ACOXL: variants seen among roughly 807,000 people sequenced by gnomAD.
ACOXL encodes acyl-CoA oxidase like.
ACOXL carries 70 observed loss-of-function variants against 71.9 expected under a neutral mutation model. The observed-to-expected ratio is 0.97, with a 90% confidence interval of 0.80 to 1.19. The LOEUF (loss-of-function observed/expected upper bound fraction) is 1.19. Among genes scored for constraint, ACOXL ranks in the 50% most tolerant of loss-of-function variants. The pLI, the probability that ACOXL is intolerant of heterozygous loss-of-function variation, is 0.00. For synonymous variants in ACOXL, 253 were observed against 281.6 expected (o/e 0.90, Z 1.02); for missense variants, 703 against 736.3 (o/e 0.95, Z 0.52).
intron 16 of ACOXL, among the ~76,000 whole-genome samples, chr2:111,076,746 T>C (rs1457760782): frequency 6.6e-6 from 1 of 152,198 alleles, no homozygotes; most frequent in Non-Finnish European, 1.5e-5. Flanking sequence ...TCTTTCATAG[T>C]TTTAGAGGTC....
Position 111,117,619 on chromosome 2 carries a change from C to T in ACOXL, c.1546C>T (p.Leu516=). 1.3e-6 allele frequency: 2 copies of T among 1,551,764 alleles called. No individual in the cohort carries two copies. The highest frequency in any genetic ancestry group is 1.7e-6 in the Non-Finnish European group (2 of 1,147,004). Residue 516 remains leucine (L), a synonymous_variant, in exon 18 of 18, where the codon CTG becomes TTG. Transcript: ENST00000439055. ...CCCATTGTGTTGTGTTTTGCAGTTGCTGGATTTGTGCGACTCGGTGAAGGA... is the reference window on the plus strand; with the variant it reads ...CCCATTGTGTTGTGTTTTGCAGTTGTTGGATTTGTGCGACTCGGTGAAGGA... ...MASTRIRNQL[L]DLCDSVKDDA... is the part of the protein sequence containing the mutation.
intron 14 of ACOXL, among the ~76,000 whole-genome samples, chr2:111,024,588 G>A (rs2064929574): frequency 6.6e-6 from 1 of 152,156 alleles, no homozygotes; most frequent in Admixed American, 6.5e-5. Flanking sequence ...TAGCCACTAG[G>A]ATTGTGGTAA....
At chr2:111,010,208 G>A (rs1173666717) in intron 14 of ACOXL, among the ~76,000 whole-genome samples, 4 of 152,010 alleles carry the variant, frequency 2.6e-5, no homozygotes, top group Non-Finnish European at 5.9e-5. Flanking sequence ...AAGAGTAGGT[G>A]GAACATATGA....
At chr2:110,923,898 T>C (rs978827187) in intron 11 of ACOXL, among the ~76,000 whole-genome samples, 3 of 151,144 alleles carry the variant, frequency 2.0e-5, no homozygotes, top group African/African-American at 7.3e-5. Flanking sequence ...AACACACCAT[T>C]GTCATCTAGC....
At chr2:110,879,544 G>C (rs1016460134) in intron 10 of ACOXL, among the ~76,000 whole-genome samples, 1 of 152,188 alleles carries the variant, frequency 6.6e-6, no homozygotes, top group African/African-American at 2.4e-5. Context: ...TTCGAAGAAT[G>C]AGATGGGTTG....
At chr2:110,855,509 ACTT>A (rs1693122689) in intron 10 of ACOXL, among the ~76,000 whole-genome samples, 2 of 152,222 alleles carry the variant, frequency 1.3e-5, no homozygotes, top group African/African-American at 4.8e-5. Context: ...TCAAAAAGCA[ACTT>A]TACAGGAGAA....
intron 1 of ACOXL, chr2:110,733,181 C>T (rs1190792371): frequency 6.6e-6 from 1 of 152,464 alleles, no homozygotes; most frequent in Non-Finnish European, 1.5e-5. Flanking sequence ...GGACAGAAAA[C>T]CGCGATGGGA....
At chr2:111,009,026 A>C (rs1310607198) in intron 14 of ACOXL, among the ~76,000 whole-genome samples, 3 of 152,122 alleles carry the variant, frequency 2.0e-5, no homozygotes, top group South Asian at 2.1e-4. Context: ...ATTTTCTCCC[A>C]GTTCGTCACT....
intron 1 of ACOXL, among the ~76,000 whole-genome samples, chr2:110,743,008 C>T (rs1323550296): frequency 2.0e-5 from 3 of 152,184 alleles, no homozygotes; most frequent in African/African-American, 7.2e-5. Context: ...TTGTTTCTAT[C>T]TCATTTTCAT....
At position 110,844,570 on chromosome 2, in the gene ACOXL, C is replaced by G. The variant is rs1691566488; in HGVS notation, c.788+3165C>G. On this transcript the variant is annotated intron_variant, in intron 10 of 17. Transcript: ENST00000439055. ...CTTTTCTTTTTTTTTTTTTTTGAGA[C>G]AGAGTCTTGCTCTGTCATCCAGGCT... is the stretch of plus-strand genomic sequence containing the variant. Among the ~76,000 whole-genome samples, 6 of 140,408 alleles carry G rather than the reference C, an allele frequency of 4.3e-5. No individual in the cohort carries two copies. The South Asian group carries it at 1.3e-3, about 32-fold the overall frequency. 92.1% of individuals were successfully genotyped at this position (140,408 alleles called of 152,430 possible).
intron 17 of ACOXL, among the ~76,000 whole-genome samples, chr2:111,107,242 G>A (rs1178709159): frequency 6.6e-6 from 1 of 152,150 alleles, no homozygotes; most frequent in Non-Finnish European, 1.5e-5. Flanking sequence ...TAGCTCCAGT[G>A]TGGGATACAT....
intron 11 of ACOXL, among the ~76,000 whole-genome samples, chr2:110,922,531 T>G (rs562952082): frequency 6.6e-6 from 1 of 152,376 alleles, no homozygotes; most frequent in South Asian, 2.1e-4. Flanking sequence ...AGAGCTGCTA[T>G]ATATTCTACA....
At chr2:110,952,528 C>T (rs1339990405) in intron 12 of ACOXL, among the ~76,000 whole-genome samples, 1 of 152,122 alleles carries the variant, frequency 6.6e-6, no homozygotes, top group East Asian at 1.9e-4. Flanking sequence ...GTAGCGTGAT[C>T]GTGGCCCTTG....
Position 110,856,867 on chromosome 2 carries a change from C to T in ACOXL, c.788+15462C>T, listed in dbSNP as rs76798147. Among the ~76,000 whole-genome samples, 626 of 152,244 alleles carry T rather than the reference C, an allele frequency of 4.1e-3. 18 individuals are homozygous for T. The highest frequency in any genetic ancestry group is 0.033 in the Admixed American group (501 of 15,300). ...GCAAAGAGAATATACAATGTAAATC[C>T]CAACTCTTGTATGGGATTCCAAGGA... is the stretch of plus-strand genomic sequence containing the variant. On this transcript the variant is annotated intron_variant, in intron 10 of 17. Coordinates refer to ENST00000439055, the MANE Select transcript of ACOXL (RefSeq NM_001142807.4).
At chr2:111,107,973 T>A (rs962183153) in intron 17 of ACOXL, among the ~76,000 whole-genome samples, 3 of 152,226 alleles carry the variant, frequency 2.0e-5, no homozygotes, top group African/African-American at 4.8e-5. Flanking sequence ...CCAGCAGCAG[T>A]ACTTACTTGA....
rs747279733 is a variant in ACOXL at position 110,967,959 on chromosome 2, TA to T, written c.1060-19146del. The T allele has an allele frequency of 1.5e-4, 142 of 933,774 alleles. 1 individual carries two copies. The East Asian group carries it at 2.4e-3, about 16-fold the overall frequency. The allele number at this position is 933,774 out of a possible 1,614,324, so 57.8% of individuals were successfully genotyped here. ...AATACTTGGAGATACAGGATAAAAA[TA>T]AATACAACACACCCAAATATAGGAT... is the stretch of plus-strand genomic sequence containing the variant. On this transcript the variant is annotated intron_variant, in intron 12 of 17. Coordinates refer to ENST00000439055, the MANE Select transcript of ACOXL (RefSeq NM_001142807.4).
intron 12 of ACOXL, among the ~76,000 whole-genome samples, chr2:110,940,184 A>C (rs2060816062): frequency 1.3e-5 from 2 of 152,216 alleles, no homozygotes; most frequent in Admixed American, 1.3e-4. Flanking sequence ...TTAAAAAGCA[A>C]GTCATGATAC....
rs77948713 is a variant in ACOXL at position 111,063,979 on chromosome 2, G to A, written c.1440+14691G>A. Among the ~76,000 whole-genome samples the A allele has an allele frequency of 1.9e-3, 296 of 152,286 alleles. 5 individuals are homozygous for A. In the East Asian group the frequency reaches 0.046, roughly 24 times the overall value. On this transcript the variant is annotated intron_variant, in intron 16 of 17. Transcript: ENST00000439055. ...GAAGGAAAGCAGGCAGACAAGGAAA[G>A]GAATTCCTAGAACTAAAAAGTGACT...
At chr2:110,782,709 C>G (rs1683485758) in intron 2 of ACOXL, among the ~76,000 whole-genome samples, 1 of 152,140 alleles carries the variant, frequency 6.6e-6, no homozygotes, top group Non-Finnish European at 1.5e-5. Context: ...CAGTTGGACA[C>G]CATTAATGGC....
Sources: allele counts gnomAD v4.1 joint callset (sites outside exome capture counted in the v4.1 genomes callset), GRCh38; gene constraint gnomAD v4.1.1; transcripts MANE v1.5; gene names NCBI Gene and HGNC (gene_info 2026-07-23, HGNC 2026-07-21).